SSH1: variants seen among roughly 807,000 people sequenced by gnomAD.
SSH1 encodes slingshot protein phosphatase 1, also known as protein phosphatase Slingshot homolog 1.
SSH1 carries 43 observed loss-of-function variants against 79.7 expected under a neutral mutation model. That is an observed-to-expected ratio of 0.54 (90% CI 0.42 to 0.70). The LOEUF is 0.70. Ranked by LOEUF, SSH1 falls within the 30% of genes least tolerant of loss-of-function variation. The pLI is 0.00. For missense variants in SSH1, 1,206 were observed against 1,358.8 expected, an observed-to-expected ratio of 0.89 and a Z score of 1.77; for synonymous variants, 599 against 538.3, an observed-to-expected ratio of 1.11 and a Z score of -1.56.
At chr12:108,835,897 A>AG (rs2038596664) in intron 2 of SSH1, among the ~76,000 whole-genome samples, 3 of 145,860 alleles carry the variant, frequency 2.1e-5, no homozygotes, top group African/African-American at 7.6e-5. Context: ...TTATAACTAT[A>AG]TTAATATAAT....
At position 108,809,767 on chromosome 12, in the gene SSH1, A is replaced by G; in HGVS notation, c.471-9T>C. On this transcript the variant is annotated splice_polypyrimidine_tract_variant and intron_variant, in intron 6 of 14. Coordinates refer to ENST00000326495, the MANE Select transcript of SSH1 (RefSeq NM_018984.4). ...TGCTCACGCTGAACCCACTGAGAAT[A>G]AAACACAGAGAGAAAGGTATCTGTG... is the stretch of plus-strand genomic sequence containing the variant. 1 of 1,613,148 alleles carries G rather than the reference A, an allele frequency of 6.2e-7. No individual in the cohort carries two copies. Among genetic ancestry groups the G allele is most frequent in the South Asian group, 1.1e-5 (1 of 91,058 alleles).
chr12:108,823,305 C>T lies in SSH1; in HGVS notation c.167G>A (p.Ser56Asn), dbSNP rs1224272984. 19 of 1,589,856 alleles carry T rather than the reference C, an allele frequency of 1.2e-5. No homozygotes were observed. The highest frequency in any genetic ancestry group is 1.6e-5 in the Non-Finnish European group (19 of 1,167,016). Residue 56 changes from serine to asparagine, a missense_variant, in exon 3 of 15, where the codon AGC becomes AAC. Transcript: ENST00000326495. ...KGAALFLQQG[S>N]SPQGQRSLQH... ...AAGACTCCGCTGGCCTTGAGGGCTGCTTCCCTGTTGTAAGAAGAGGGCTGC... is the reference window on the plus strand; with the variant it reads ...AAGACTCCGCTGGCCTTGAGGGCTGTTTCCCTGTTGTAAGAAGAGGGCTGC...
intron 2 of SSH1, among the ~76,000 whole-genome samples, chr12:108,824,178 C>G (rs2038228073): frequency 6.6e-6 from 1 of 152,176 alleles, no homozygotes; most frequent in South Asian, 2.1e-4. Flanking sequence ...GGCCGGGTGG[C>G]TCAAGCCTGT....
At chr12:108,796,613 T>G (rs2036762759) in intron 13 of SSH1, among the ~76,000 whole-genome samples, 1 of 152,234 alleles carries the variant, frequency 6.6e-6, no homozygotes, top group Non-Finnish European at 1.5e-5. Flanking sequence ...AACACATGGG[T>G]TGCTTCCACT....
rs769933866 is a variant in SSH1, at chr12:108,797,290, C to CT, written c.1349+1709dup. 5.4e-3 allele frequency among the ~76,000 whole-genome samples: 780 copies of CT among 145,106 alleles called. 5 individuals are homozygous for CT. The highest frequency in any genetic ancestry group is 7.8e-3 in the Non-Finnish European group (510 of 65,594). Reference sequence around the variant, plus strand: ...CACTGGTGCACGCCACCACGCTGGGCTTTTTTTTTTTGTACTTCTAGTAGA... The same window carrying CT: ...CACTGGTGCACGCCACCACGCTGGGCTTTTTTTTTTTTGTACTTCTAGTAGA... On this transcript the variant is annotated intron_variant, in intron 13 of 14. Transcript: ENST00000326495.
chr12:108,798,192 T>C (rs1488292207), intron 13 of SSH1, among the ~76,000 whole-genome samples: 1 of 152,222 alleles, frequency 6.6e-6, no homozygotes, highest in Non-Finnish European at 1.5e-5. Context: ...GAGGCACCTC[T>C]GTCACGTGTC....
intron 3 of SSH1, among the ~76,000 whole-genome samples, chr12:108,821,022 G>C (rs1459713066): frequency 1.3e-5 from 2 of 152,204 alleles, no homozygotes; most frequent in Non-Finnish European, 2.9e-5. Flanking sequence ...TGTCATATGT[G>C]TTACAATTAA....
chr12:108,800,112 G>A (rs1439256119), intron 12 of SSH1, among the ~76,000 whole-genome samples: 1 of 152,246 alleles, frequency 6.6e-6, no homozygotes, highest in Non-Finnish European at 1.5e-5. Context: ...CACATCATGT[G>A]GCTTTGACCC....
chr12:108,802,307 G>C lies in SSH1; in HGVS notation c.1001+15C>G. The C allele has an allele frequency of 6.2e-7, 1 of 1,613,092 alleles. No homozygotes were observed. Among genetic ancestry groups the C allele is most frequent in the Non-Finnish European group, 8.5e-7 (1 of 1,179,134 alleles). On this transcript the variant is annotated intron_variant, in intron 11 of 14. Transcript: ENST00000326495. ...TGCCTGGAAGGACAGGGAAAGACAAGGGGAGGAGACTCACCCTGAGCCCTG... is the reference window on the plus strand; with the variant it reads ...TGCCTGGAAGGACAGGGAAAGACAACGGGAGGAGACTCACCCTGAGCCCTG...
intron 2 of SSH1, among the ~76,000 whole-genome samples, chr12:108,830,392 C>T (rs529873908): frequency 6.6e-6 from 1 of 152,152 alleles, no homozygotes; most frequent in South Asian, 2.1e-4. Context: ...GTCGAGGCTG[C>T]ACTGAGTGGA....
intron 2 of SSH1, among the ~76,000 whole-genome samples, chr12:108,848,854 C>G (rs538660124): frequency 6.6e-6 from 1 of 151,772 alleles, no homozygotes; most frequent in Admixed American, 6.6e-5. Flanking sequence ...GACCTGCTGA[C>G]AGTGGCACGG....
intron 2 of SSH1, among the ~76,000 whole-genome samples, chr12:108,847,704 C>T (rs146222295): frequency 8.5e-5 from 13 of 152,266 alleles, no homozygotes; most frequent in Middle Eastern, 3.4e-3. Flanking sequence ...TGATCCGTCC[C>T]GCCTTGGCCT....
intron 2 of SSH1, among the ~76,000 whole-genome samples, chr12:108,843,030 G>A (rs959631142): frequency 1.3e-5 from 2 of 152,024 alleles, no homozygotes; most frequent in South Asian, 4.2e-4. Flanking sequence ...CACGATTATT[G>A]CGCTTGTTTA....
Position 108,838,221 on chromosome 12 carries a change from T to C in SSH1, c.110+14417A>G, listed in dbSNP as rs556859612. ...ACTGGTATGGGCATATTTCATGACT[T>C]TGCCCTTTCATCTCTTGCATAGTTT... On this transcript the variant is annotated intron_variant, in intron 2 of 14. Coordinates refer to ENST00000326495, the MANE Select transcript of SSH1 (RefSeq NM_018984.4). Among the ~76,000 whole-genome samples the C allele has an allele frequency of 1.3e-3, 204 of 152,356 alleles. 1 individual carries two copies. The highest frequency in any genetic ancestry group is 4.8e-3 in the African/African-American group (199 of 41,578).
intron 2 of SSH1, chr12:108,834,319 AT>A (rs1381262878): frequency 1.3e-5 from 2 of 152,168 alleles, no homozygotes; most frequent in Non-Finnish European, 2.9e-5. Flanking sequence ...TCCAGTGTTT[AT>A]GCCTTCTCCA....
chr12:108,845,880 C>T (rs942646318), intron 2 of SSH1, among the ~76,000 whole-genome samples: 1 of 152,134 alleles, frequency 6.6e-6, no homozygotes, highest in Non-Finnish European at 1.5e-5. Flanking sequence ...GACAATAAAG[C>T]CCAGGCTAAG....
Position 108,789,228 on chromosome 12 carries a change from C to G in SSH1, c.1910G>C (p.Gly637Ala). 1 of 1,598,234 alleles carries G rather than the reference C, an allele frequency of 6.3e-7. No individual in the cohort carries two copies. The highest frequency in any genetic ancestry group is 1.3e-5 in the African/African-American group (1 of 74,798). ...PNGMEDDAIF[G>A]ILNKVKPSYK... is the part of the protein sequence containing the mutation. ...GGAAGGCTTCACTTTGTTAAGGATC[C>G]CAAATATAGCATCATCCTGCAAGGA... The change falls in exon 15 of 15, where the codon GGG becomes GCG. Residue 637 changes from glycine to alanine, a missense_variant. This residue lies in a region of SSH1 where 709 missense variants were observed against 730.6 expected (regional missense o/e 0.97). Transcript: ENST00000326495.
intron 5 of SSH1, among the ~76,000 whole-genome samples, chr12:108,815,733 C>T (rs2037854683): frequency 6.6e-6 from 1 of 152,164 alleles, no homozygotes; most frequent in South Asian, 2.1e-4. Context: ...TTCTTCTAGC[C>T]CCAGGTTCCC....
At chr12:108,809,666 G>C in intron 7 of SSH1, 27 bp downstream of exon 7, 1 of 1,593,344 alleles carries the variant, frequency 6.3e-7, no homozygotes, top group Non-Finnish European at 8.6e-7. Context: ...TTTCTAGGGA[G>C]TTAAAAGTCC....
Sources: allele counts gnomAD v4.1 joint callset (sites outside exome capture counted in the v4.1 genomes callset), GRCh38; gene constraint gnomAD v4.1.1; regional missense constraint gnomAD v4.1.1; transcripts MANE v1.5; gene names NCBI Gene and HGNC (gene_info 2026-07-23, HGNC 2026-07-21).